The following ARHGEF11 variants were observed in gnomAD, a reference collection of about 807,000 sequenced individuals.
ARHGEF11 encodes the protein Rho guanine exchange factor (GEF) 11.
ARHGEF11 carries 55 observed loss-of-function variants against 193.7 expected under a neutral mutation model. The observed-to-expected ratio is 0.28, with a 90% CI of 0.23 to 0.36. The LOEUF (loss-of-function observed/expected upper bound fraction) is 0.36, where lower values mean the gene tolerates loss of function less well. ARHGEF11 is among the 10% of genes least tolerant of loss of function. The probability of loss-of-function intolerance (pLI) is 1.00; values close to 1 mark genes in which losing one functional copy is unlikely to be tolerated. For missense variants in ARHGEF11, 1,723 were observed against 2,005.6 expected (o/e 0.86, Z 2.69); for synonymous variants, 693 against 768.0 (o/e 0.90, Z 1.62).
At chr1:157,004,900 T>C (rs1202351217) in intron 1 of ARHGEF11, among the ~76,000 whole-genome samples, 1 of 152,146 alleles carries the variant, frequency 6.6e-6, no homozygotes, top group African/African-American at 2.4e-5. Flanking sequence ...AGGGAGAGCC[T>C]TGGCTGGAGA....
intron 11 of ARHGEF11, among the ~76,000 whole-genome samples, chr1:156,967,596 C>T (rs1342921164): frequency 4.0e-5 from 6 of 151,552 alleles, no homozygotes; most frequent in African/African-American, 1.2e-4. Flanking sequence ...TTCTATGTTA[C>T]GGTTCCAAGT....
At chr1:157,044,250 A>C (rs1400339315) in intron 1 of ARHGEF11, 49 bp downstream of exon 1, 1 of 1,566,220 alleles carries the variant, frequency 6.4e-7, no homozygotes, top group Admixed American at 1.7e-5. Flanking sequence ...CACCCCTCCC[A>C]GTCTTTCCTT....
chr1:156,968,375 A>T (rs1303960726), intron 10 of ARHGEF11, among the ~76,000 whole-genome samples: 1 of 152,224 alleles, frequency 6.6e-6, no homozygotes, highest in East Asian at 1.9e-4. Context: ...CCAAGAGGTT[A>T]TGAGACTTGC....
chr1:157,044,406 T>G lies in ARHGEF11; in HGVS notation c.-76A>C. 6.7e-7 allele frequency: 1 copy of G among 1,492,450 alleles called. No homozygotes were observed. Among genetic ancestry groups the G allele is most frequent in the Non-Finnish European group, 9.3e-7 (1 of 1,071,192 alleles). 92.5% of individuals were successfully genotyped at this position (1,492,450 alleles called of 1,614,324 possible). ...ATCAGGATTGAATCGCTTGCAATTTTTGAGCAAGGTGAGAGGAGGGCCTCC... is the reference window on the plus strand; with the variant it reads ...ATCAGGATTGAATCGCTTGCAATTTGTGAGCAAGGTGAGAGGAGGGCCTCC... On this transcript the variant is annotated 5_prime_UTR_variant, in exon 1 of 41. Transcript: ENST00000368194.
intron 7 of ARHGEF11, 55 bp from the exon 8 acceptor site, chr1:156,971,871 T>C (rs1662537217): frequency 1.9e-6 from 3 of 1,565,746 alleles, no homozygotes; most frequent in South Asian, 2.3e-5. Flanking sequence ...GGGTGGTTAA[T>C]AGAGAATGGA....
Position 156,948,436 on chromosome 1 carries a change from C to G in ARHGEF11, c.1988G>C (p.Arg663Pro), listed in dbSNP as rs757875282. Residue 663 changes from arginine (R) to proline (P), a missense_variant, in exon 23 of 41, where the codon CGG becomes CCG. Transcript: ENST00000368194. The surrounding 1 kb of genome is among the most constrained non-coding windows in gnomAD (Gnocchi z 4.2). ...ESLKGREEMKRSRKAENVPRS... is the reference protein window; with the variant it reads ...ESLKGREEMKPSRKAENVPRS... The stretch of plus-strand genomic sequence containing the variant: ...GGGCACGTTCTCTGCCTTTCGAGAC[C>G]GTTTCATCTCTTCCCGGCCCTTGAG... 2.5e-6 allele frequency: 4 copies of G among 1,614,220 alleles called. No individual in the cohort carries two copies. The highest frequency in any genetic ancestry group is 1.1e-5 in the South Asian group (1 of 91,082).
chr1:156,968,028 G>T lies in ARHGEF11; in HGVS notation c.922C>A (p.Arg308=). Residue 308 remains arginine (R), a synonymous_variant, in exon 11 of 41, where the codon CGG becomes AGG. Transcript: ENST00000368194. ...GGGACTGCTGCATCCGAGCCCTGCCGCCTGTGGTGCTGGGCCACCCTGGCC... is the reference window on the plus strand; with the variant it reads ...GGGACTGCTGCATCCGAGCCCTGCCTCCTGTGGTGCTGGGCCACCCTGGCC... ...IMARVAQHHR[R]QGSDAAVPST... is the part of the protein sequence containing the mutation. 1 of 1,614,216 alleles carries T rather than the reference G, an allele frequency of 6.2e-7. No homozygotes were observed. Among genetic ancestry groups the T allele is most frequent in the South Asian group, 1.1e-5 (1 of 91,082 alleles).
At chr1:156,981,329 C>G (rs1227594952) in intron 3 of ARHGEF11, among the ~76,000 whole-genome samples, 1 of 152,176 alleles carries the variant, frequency 6.6e-6, no homozygotes, top group African/African-American at 2.4e-5. Context: ...AGGCGTGAGC[C>G]TCCATACTCA....
rs1354359182 is a variant in ARHGEF11, at chr1:157,044,315, G to T, written c.16C>A (p.Pro6Thr). Residue 6 changes from proline (P) to threonine (T), a missense_variant, in exon 1 of 41, where the codon CCC becomes ACC. Physicochemically the swap from Pro to Thr is conservative, Grantham distance 38. Coordinates refer to ENST00000368194, the MANE Select transcript of ARHGEF11 (RefSeq NM_198236.3). The stretch of plus-strand genomic sequence containing the variant: ...CAAACCTACCTGTCTATACTCTGGG[G>T]TAACCTTACACTCATGGTTTCTCGG... MSVRLPQSIDRLSSLS... is the reference protein window; with the variant it reads MSVRLTQSIDRLSSLS... 2.5e-6 allele frequency: 4 copies of T among 1,613,164 alleles called. No individual in the cohort carries two copies. In the Admixed American group the frequency reaches 6.7e-5, roughly 27 times the overall value.
chr1:156,976,626 G>A (rs1163934425), intron 7 of ARHGEF11, among the ~76,000 whole-genome samples: 5 of 152,026 alleles, frequency 3.3e-5, no homozygotes, highest in Non-Finnish European at 5.9e-5. Flanking sequence ...CTTCACCCAA[G>A]TGCTCCCCAC....
rs199621894 is a variant in ARHGEF11 at position 156,953,514 on chromosome 1, AC to A, written c.1798+1377del. ...TCTTTTTTTTCCCCTTGTTTTATAA[AC>A]TTTTTTACATTAATTCCTTATTTTT... On this transcript the variant is annotated intron_variant, in intron 21 of 40. Coordinates refer to ENST00000368194, the MANE Select transcript of ARHGEF11 (RefSeq NM_198236.3). Among the ~76,000 whole-genome samples, 1,034 of 152,308 alleles carry A rather than the reference AC, an allele frequency of 6.8e-3. 13 individuals are homozygous for A. The highest frequency in any genetic ancestry group is 0.023 in the African/African-American group (956 of 41,568).
intron 1 of ARHGEF11, among the ~76,000 whole-genome samples, chr1:156,989,945 C>A (rs749925349): frequency 5.3e-5 from 8 of 152,166 alleles, no homozygotes; most frequent in Non-Finnish European, 1.0e-4. Context: ...CCCCTAAGAG[C>A]ATTGAAATTC....
At chr1:156,964,586 T>C (rs1277764422) in intron 11 of ARHGEF11, among the ~76,000 whole-genome samples, 1 of 152,188 alleles carries the variant, frequency 6.6e-6, no homozygotes, top group East Asian at 1.9e-4. Flanking sequence ...TTCCTGGATA[T>C]TTATGGTCTC....
At chr1:156,977,195 G>T (rs1180023632) in intron 6 of ARHGEF11, 141 bp from the exon 7 acceptor site, 5 of 725,064 alleles carry the variant, frequency 6.9e-6, no homozygotes, top group Non-Finnish European at 1.2e-5. Context: ...TACCTTGCCG[G>T]AATGCAGTAA....
At chr1:156,949,700 C>T (rs757180384) in intron 22 of ARHGEF11, among the ~76,000 whole-genome samples, 13 of 152,148 alleles carry the variant, frequency 8.5e-5, no homozygotes, top group Non-Finnish European at 1.6e-4. Context: ...GGTCACTGTA[C>T]CACCACAACA....
At chr1:157,034,130 C>T (rs926091930) in intron 1 of ARHGEF11, among the ~76,000 whole-genome samples, 1 of 152,176 alleles carries the variant, frequency 6.6e-6, no homozygotes, top group African/African-American at 2.4e-5. Flanking sequence ...GGTATTTTTC[C>T]CCTCTCCCTG....
intron 3 of ARHGEF11, 62 bp from the exon 4 acceptor site, chr1:156,980,548 G>T: frequency 5.2e-6 from 8 of 1,529,320 alleles, no homozygotes; most frequent in Non-Finnish European, 7.1e-6. Context: ...CTACACGAAG[G>T]TCCCTGTCAG....
At chr1:157,026,704 A>G (rs1670683963) in intron 1 of ARHGEF11, among the ~76,000 whole-genome samples, 1 of 152,240 alleles carries the variant, frequency 6.6e-6, no homozygotes, top group African/African-American at 2.4e-5. Flanking sequence ...CGTGAGCCTC[A>G]GCTTTCTCAC....
chr1:157,035,881 G>T, intron 1 of ARHGEF11, among the ~76,000 whole-genome samples: 1 of 132,876 alleles, frequency 7.5e-6, no homozygotes, highest in African/African-American at 2.8e-5. Context: ...ATATATATAG[G>T]AATATATATA....
Sources: gnomAD v4.1 joint callset for allele counts (sites outside exome capture counted in the v4.1 genomes callset) on GRCh38, gnomAD v4.1.1 for gene constraint, Gnocchi (gnomAD v3.1) non-coding constraint, MANE v1.5 for transcripts, NCBI Gene and HGNC (gene_info 2026-07-23, HGNC 2026-07-21) for gene names.